Variants in JPH2 observed in about 807,000 individuals in gnomAD.
JPH2 encodes junctophilin 2.
A neutral mutation model predicts 55.9 loss-of-function variants in JPH2; 38 were observed. That is an observed-to-expected ratio of 0.68 (90% CI 0.52 to 0.89). The LOEUF is 0.89. Ranked by LOEUF, JPH2 falls within the 40% of genes least tolerant of loss-of-function variation. JPH2 has a pLI of 0.00. For synonymous variants in JPH2, 480 were observed against 472.4 expected, an observed-to-expected ratio of 1.02 and a Z score of -0.21; for missense variants, 964 against 1,037.6, an observed-to-expected ratio of 0.93 and a Z score of 0.97.
chr20:44,117,163 C>G (rs2145839569), intron 3 of JPH2, among the ~76,000 whole-genome samples: 1 of 152,310 alleles, frequency 6.6e-6, no homozygotes, highest in Middle Eastern at 3.4e-3. Context: ...CCTGTAATCC[C>G]AGCTACTCAG....
intron 2 of JPH2, among the ~76,000 whole-genome samples, chr20:44,147,185 A>T (rs1160121462): frequency 6.6e-6 from 1 of 152,166 alleles, no homozygotes; most frequent in African/African-American, 2.4e-5. Flanking sequence ...GCCCACGTGA[A>T]TTGCCATTAT....
At chr20:44,130,065 C>CAACAA (rs3037629) in intron 2 of JPH2, among the ~76,000 whole-genome samples, 3 of 151,024 alleles carry the variant, frequency 2.0e-5, no homozygotes, top group Admixed American at 6.6e-5. Flanking sequence ...GTTACTGCAG[C>CAACAA]AACAAAACAA....
intron 1 of JPH2, among the ~76,000 whole-genome samples, chr20:44,163,015 C>T (rs1600860014): frequency 6.6e-6 from 1 of 151,868 alleles, no homozygotes; most frequent in Non-Finnish European, 1.5e-5. Context: ...CCCCACCACC[C>T]TGCTCACTTA....
At chr20:44,178,368 T>G (rs2072752795) in intron 1 of JPH2, among the ~76,000 whole-genome samples, 1 of 152,048 alleles carries the variant, frequency 6.6e-6, no homozygotes, top group Admixed American at 6.6e-5. Context: ...AAATAAAATA[T>G]CTAGGGATAA....
At chr20:44,126,391 C>T (rs2072277669) in intron 2 of JPH2, among the ~76,000 whole-genome samples, 2 of 152,278 alleles carry the variant, frequency 1.3e-5, no homozygotes, top group East Asian at 3.9e-4. Context: ...CCACTGCCAG[C>T]CTCTCTGGAG....
At chr20:44,168,887 C>A (rs2072676720) in intron 1 of JPH2, among the ~76,000 whole-genome samples, 1 of 152,162 alleles carries the variant, frequency 6.6e-6, no homozygotes, top group Non-Finnish European at 1.5e-5. Context: ...GGGGGCAGAT[C>A]CCTCATGAAT....
At chr20:44,182,480 C>G (rs771818238) in intron 1 of JPH2, among the ~76,000 whole-genome samples, 1 of 152,304 alleles carries the variant, frequency 6.6e-6, no homozygotes, top group South Asian at 2.1e-4. Context: ...CCTGGGCACA[C>G]CTGGGATAAA....
rs1397509010 is a variant in JPH2, at chr20:44,118,593, T to C, written c.1200A>G (p.Ala400=). ...TGGCAGCCAGGGCGGCCTGTTCCGC[T>C]GCCTCAGCTTTGGCCTTGGCGTGGC... ...RTSHAKAKAE[A]AEQAALAANQ... Residue 400 remains alanine (A), a synonymous_variant, in exon 3 of 6, where the codon GCA becomes GCG. Coordinates refer to ENST00000372980, the MANE Select transcript of JPH2 (RefSeq NM_020433.5). 2.5e-6 allele frequency: 4 copies of C among 1,612,134 alleles called. No individual in the cohort carries two copies. The highest frequency in any genetic ancestry group is 3.4e-6 in the Non-Finnish European group (4 of 1,180,024).
chr20:44,131,031 A>G (rs1359149419), intron 2 of JPH2, among the ~76,000 whole-genome samples: 1 of 152,144 alleles, frequency 6.6e-6, no homozygotes, highest in Non-Finnish European at 1.5e-5. Flanking sequence ...CTCTTCTTCA[A>G]AGTAAGAGAT....
intron 1 of JPH2, among the ~76,000 whole-genome samples, chr20:44,183,433 G>A (rs1489119823): frequency 5.9e-5 from 9 of 152,212 alleles, no homozygotes; most frequent in South Asian, 2.1e-4. Flanking sequence ...AAACTCCAGC[G>A]ACCTCGTTAA....
At position 44,109,187 on chromosome 20, in the gene JPH2, C is replaced by G. The variant is rs908010417; in HGVS notation, c.*4331G>C. Among the ~76,000 whole-genome samples, 24 of 152,208 alleles carry G rather than the reference C, an allele frequency of 1.6e-4. No homozygotes were observed. Among genetic ancestry groups the G allele is most frequent in the African/African-American group, 5.8e-4 (24 of 41,450 alleles). On this transcript the variant is annotated 3_prime_UTR_variant, in exon 6 of 6. Transcript: ENST00000372980. ...GTTTCAGTCCCAGCTCTGTCCTTCC[C>G]TCTCTGTGATACCTTGAACCAATCA...
intron 2 of JPH2, among the ~76,000 whole-genome samples, chr20:44,147,789 G>T (rs1302825395): frequency 6.6e-6 from 1 of 152,200 alleles, no homozygotes; most frequent in South Asian, 2.1e-4. Flanking sequence ...AGCAGCACAG[G>T]GTGGTGGCTC....
chr20:44,161,884 C>G (rs559339538), intron 1 of JPH2, among the ~76,000 whole-genome samples: 42 of 152,136 alleles, frequency 2.8e-4, no homozygotes, highest in Admixed American at 5.9e-4. Context: ...TCCCCAACCC[C>G]TCCCTCTCCC....
At chr20:44,137,407 C>T (rs768299787) in intron 2 of JPH2, among the ~76,000 whole-genome samples, 33 of 152,206 alleles carry the variant, frequency 2.2e-4, no homozygotes, top group African/African-American at 7.7e-4. Flanking sequence ...CCCCGCCTCC[C>T]GCCCCTCCCC....
In JPH2 at chr20:44,159,220, A is replaced by G. The variant is rs1191848748; in HGVS notation, c.1169+398T>C. On this transcript the variant is annotated intron_variant, in intron 2 of 5. Transcript: ENST00000372980. This position sits in a 1 kb window ranked among gnomAD's most constrained non-coding sequence, Gnocchi z 5.7. Reference sequence around the variant, plus strand: ...CAGTGAGTGTTAGAGAAGTTAGTCAATGAAGGAATTGGGTGGATTTGGATG... The same window carrying G: ...CAGTGAGTGTTAGAGAAGTTAGTCAGTGAAGGAATTGGGTGGATTTGGATG... Among the ~76,000 whole-genome samples, 1 of 152,018 alleles carries G rather than the reference A, an allele frequency of 6.6e-6. No homozygotes were observed. The highest frequency in any genetic ancestry group is 1.5e-5 in the Non-Finnish European group (1 of 67,998).
intron 1 of JPH2, among the ~76,000 whole-genome samples, chr20:44,170,999 C>T (rs1428811791): frequency 6.6e-6 from 1 of 152,138 alleles, no homozygotes; most frequent in Non-Finnish European, 1.5e-5. Flanking sequence ...ATCCTCCCTG[C>T]CCCCCACTTC....
intron 2 of JPH2, among the ~76,000 whole-genome samples, chr20:44,149,993 T>C (rs1472182865): frequency 6.7e-6 from 1 of 148,450 alleles, no homozygotes; most frequent in Non-Finnish European, 1.5e-5. Flanking sequence ...AAAAAAGAAT[T>C]GGAAGAGTTC....
intron 2 of JPH2, among the ~76,000 whole-genome samples, chr20:44,139,576 A>T (rs1177922042): frequency 6.6e-6 from 1 of 152,212 alleles, no homozygotes; most frequent in East Asian, 1.9e-4. Flanking sequence ...AAGATTCCAA[A>T]CAGTATGTAT....
At chr20:44,139,481 CA>C (rs2072440321) in intron 2 of JPH2, among the ~76,000 whole-genome samples, 1 of 152,156 alleles carries the variant, frequency 6.6e-6, no homozygotes, top group South Asian at 2.1e-4. Context: ...TGGAATTCTA[CA>C]CAAGCATTTA....
Sources: gnomAD v4.1 joint callset for allele counts (sites outside exome capture counted in the v4.1 genomes callset) on GRCh38, gnomAD v4.1.1 for gene constraint, Gnocchi (gnomAD v3.1) non-coding constraint, MANE v1.5 for transcripts, NCBI Gene and HGNC (gene_info 2026-07-23, HGNC 2026-07-21) for gene names.